C11orf54: variants seen among roughly 807,000 people sequenced by gnomAD.
C11orf54 encodes the protein beta-keto L-gulonate decarboxylase.
In C11orf54, 29 loss-of-function variants were observed where a neutral mutation model predicts 35.5. The ratio of observed to expected loss-of-function variants is 0.82; its 90% CI spans 0.61 to 1.11. C11orf54 has a LOEUF of 1.11. Among genes scored for constraint, C11orf54 ranks in the 50% most tolerant of loss-of-function variants. The pLI, the probability that C11orf54 is intolerant of heterozygous loss-of-function variation, is 0.00. For missense variants in C11orf54, 373 were observed against 369.2 expected (o/e 1.01, Z -0.08); for synonymous variants, 108 against 121.1 (o/e 0.89, Z 0.71).
intron 1 of C11orf54, among the ~76,000 whole-genome samples, chr11:93,745,340 G>A (rs1320483620): frequency 1.3e-5 from 2 of 152,098 alleles, no homozygotes; most frequent in Non-Finnish European, 2.9e-5. Flanking sequence ...CGCTTTCTTG[G>A]GCAGAGGTCC....
chr11:93,761,334 G>A (rs115493294), intron 8 of C11orf54, among the ~76,000 whole-genome samples, 181 bp from the exon 9 acceptor site: 115 of 152,284 alleles, frequency 7.6e-4, no homozygotes, highest in African/African-American at 2.7e-3. Flanking sequence ...TGAGTGGTGA[G>A]GGCAAGAGAG....
rs1174457054 is a variant in C11orf54, at chr11:93,761,646, C to T, written c.906C>T (p.Arg302=). The T allele has an allele frequency of 3.1e-6, 5 of 1,611,424 alleles. No individual in the cohort carries two copies. Among genetic ancestry groups the T allele is most frequent in the Admixed American group, 3.4e-5 (2 of 59,496 alleles). ...TCTTACCTGCAGAGTTTCTCTATCG[C>T]ATTGATCAACCAAAAGAGACGCATT... ...GYFLPAEFLY[R]IDQPKETHSI... Residue 302 remains arginine (R), a synonymous_variant, in exon 9 of 9, where the codon CGC becomes CGT. Transcript: ENST00000354421.
rs1052404252 is a variant in C11orf54 at position 93,764,582 on chromosome 11, G to A, written c.*2894G>A. On this transcript the variant is annotated 3_prime_UTR_variant, in exon 9 of 9. Coordinates refer to ENST00000354421, the MANE Select transcript of C11orf54 (RefSeq NM_001286069.2). ...ACCATCTAATAGAGATGGGGGAAAA[G>A]ATCAAAATGCTTTTCTTTTTAAATT... 30 of 152,160 alleles carry A rather than the reference G, an allele frequency of 2.0e-4. No individual in the cohort carries two copies. The highest frequency in any genetic ancestry group is 7.2e-4 in the African/African-American group (30 of 41,438). 9.4% of individuals were successfully genotyped at this position (152,160 alleles called of 1,614,324 possible).
intron 1 of C11orf54, among the ~76,000 whole-genome samples, chr11:93,745,651 C>T (rs1942421736): frequency 1.3e-5 from 2 of 152,174 alleles, no homozygotes; most frequent in Admixed American, 6.5e-5. Flanking sequence ...CTTTTCCCCA[C>T]ACAAAACTAT....
In C11orf54 at chr11:93,763,182, C is replaced by T. The variant is rs1943548674; in HGVS notation, c.*1494C>T. On this transcript the variant is annotated 3_prime_UTR_variant, in exon 9 of 9. Coordinates refer to ENST00000354421, the MANE Select transcript of C11orf54 (RefSeq NM_001286069.2). ...CCTACCCTTCTCTCTGGAGTGTACA[C>T]TTCATGTGGGCAAGGGCCTTGTTCA... 1 of 152,182 alleles carries T rather than the reference C, an allele frequency of 6.6e-6. No homozygotes were observed. Among genetic ancestry groups the T allele is most frequent in the African/African-American group, 2.4e-5 (1 of 41,434 alleles). The allele number at this position is 152,182 out of a possible 1,614,324, so 9.4% of individuals were successfully genotyped here. A position where few individuals can be genotyped will look rare whatever the true frequency, so the allele number is the denominator to read the frequency against.
At position 93,755,316 on chromosome 11, in the gene C11orf54, G is replaced by C. The variant is rs200861861; in HGVS notation, c.437G>C (p.Ser146Thr). Residue 146 changes from serine to threonine, a missense_variant, in exon 6 of 9, where the codon AGT becomes ACT. Ser to Thr is a moderately conservative substitution (Grantham distance 58). Transcript: ENST00000354421. ...GGAGGGTGCCTACTGGAGAAATACAGTGAGAAATGTCATGATTTTCAGTGT... is the reference window on the plus strand; with the variant it reads ...GGAGGGTGCCTACTGGAGAAATACACTGAGAAATGTCATGATTTTCAGTGT... Reference protein sequence around the residue: ...ADGGCLLEKYSEKCHDFQCAL... With the variant: ...ADGGCLLEKYTEKCHDFQCAL... The C allele has an allele frequency of 6.2e-6, 10 of 1,614,036 alleles. No individual in the cohort carries two copies. The highest frequency in any genetic ancestry group is 7.6e-6 in the Non-Finnish European group (9 of 1,180,028).
At position 93,755,356 on chromosome 11, in the gene C11orf54, T is replaced by C. The variant is rs528040589; in HGVS notation, c.477T>C (p.Asn159=). The C allele has an allele frequency of 3.6e-5, 58 of 1,614,158 alleles. No individual in the cohort carries two copies. The highest frequency in any genetic ancestry group is 2.2e-4 in the Admixed American group (13 of 60,016). Residue 159 remains asparagine, a synonymous_variant, in exon 6 of 9, where the codon AAT becomes AAC. Transcript: ENST00000354421. ...ATTTTCAGTGTGCATTACTGGCTAA[T>C]CTTTTTGCCAGTGAAGGCCAACCTG... The part of the protein sequence containing the change: ...CHDFQCALLA[N]LFASEGQPGK...
At chr11:93,745,873 T>C (rs1038596604) in intron 1 of C11orf54, 1 of 152,322 alleles carries the variant, frequency 6.6e-6, no homozygotes, top group Admixed American at 6.5e-5. Flanking sequence ...TCCCAGCTAC[T>C]GGGGAGGATG....
In C11orf54 at chr11:93,762,566, G is replaced by A. The variant is rs1206446753; in HGVS notation, c.*878G>A. On this transcript the variant is annotated 3_prime_UTR_variant, in exon 9 of 9. Coordinates refer to ENST00000354421, the MANE Select transcript of C11orf54 (RefSeq NM_001286069.2). ...GTGGGAGGATTGCCTGAGCCTAGGA[G>A]TTTAAACCAGCCTGGGCACCATGGT... 1 of 152,138 alleles carries A rather than the reference G, an allele frequency of 6.6e-6. No individual in the cohort carries two copies. The highest frequency in any genetic ancestry group is 1.5e-5 in the Non-Finnish European group (1 of 68,036). The allele number at this position is 152,138 out of a possible 1,614,324, so 9.4% of individuals were successfully genotyped here.
At chr11:93,744,141 A>G (rs1398494163) in intron 1 of C11orf54, among the ~76,000 whole-genome samples, 3 of 152,162 alleles carry the variant, frequency 2.0e-5, no homozygotes, top group Non-Finnish European at 4.4e-5. Context: ...TTTTTGTCTA[A>G]ATGTCAAATA....
At chr11:93,744,011 T>C (rs886756944) in intron 1 of C11orf54, among the ~76,000 whole-genome samples, 1 of 152,196 alleles carries the variant, frequency 6.6e-6, no homozygotes, top group Non-Finnish European at 1.5e-5. Context: ...ATACACATGC[T>C]ACCACACTGC....
At chr11:93,741,886 C>T (rs928664649) in intron 1 of C11orf54, 158 bp downstream of exon 1, 3 of 214,574 alleles carry the variant, frequency 1.4e-5, no homozygotes, top group Non-Finnish European at 2.9e-5. Context: ...TAAATCTGGT[C>T]CCGGGTGTGT....
intron 2 of C11orf54, among the ~76,000 whole-genome samples, chr11:93,748,593 TAGG>T (rs1942612751): frequency 6.6e-6 from 1 of 152,194 alleles, no homozygotes; most frequent in African/African-American, 2.4e-5. Flanking sequence ...CTCAATACTT[TAGG>T]AGGCCAAGGT....
In C11orf54 at chr11:93,744,967, T is replaced by TG. The variant is rs1591329178; in HGVS notation, c.-97-2329dup. Among the ~76,000 whole-genome samples the TG allele has an allele frequency of 3.3e-5, 5 of 151,974 alleles. No individual in the cohort carries two copies. In the East Asian group the frequency reaches 9.9e-4, roughly 30 times the overall value. On this transcript the variant is annotated intron_variant, in intron 1 of 8. Transcript: ENST00000354421. Reference sequence around the variant, plus strand: ...AGGAAAACATGTGAGTAAAGAAATCTGCGTCATAAATAAGTTCAAGGGAAG... The same window carrying TG: ...AGGAAAACATGTGAGTAAAGAAATCTGGCGTCATAAATAAGTTCAAGGGAAG...
At chr11:93,754,762 T>G (rs1943039781) in intron 5 of C11orf54, 1 of 128,034 alleles carries the variant, frequency 7.8e-6, no homozygotes, top group Admixed American at 9.5e-5. Context: ...TGAGATGGAG[T>G]CTCGCTCTGT....
chr11:93,760,335 C>T (rs1263568727), intron 8 of C11orf54, among the ~76,000 whole-genome samples: 1 of 152,152 alleles, frequency 6.6e-6, no homozygotes. Context: ...TTAGGCAGAG[C>T]AGATTTTACC....
intron 6 of C11orf54, among the ~76,000 whole-genome samples, chr11:93,755,936 G>C (rs893150741): frequency 3.3e-5 from 5 of 151,896 alleles, no homozygotes; most frequent in Non-Finnish European, 7.4e-5. Context: ...GGAGGCCAAG[G>C]TGGGTAGATC....
chr11:93,753,804 T>C, intron 4 of C11orf54, 49 bp downstream of exon 4: 3 of 1,589,022 alleles, frequency 1.9e-6, no homozygotes, highest in Non-Finnish European at 1.7e-6. Context: ...AGAAGTTGGG[T>C]TGATTACTGT....
In C11orf54 at chr11:93,747,379, T is replaced by C. The variant is rs189739430; in HGVS notation, c.-15T>C. The C allele has an allele frequency of 2.6e-3, 4,099 of 1,583,330 alleles. 170 individuals carry two copies. In the Admixed American group the frequency reaches 0.072, roughly 28 times the overall value. ...AGCTCTATTTGTCCAACCTCACACC[T>C]AAAGAAGAAAGAAAATGGCTTGTGC... is the stretch of plus-strand genomic sequence containing the variant. On this transcript the variant is annotated 5_prime_UTR_variant, in exon 2 of 9. Transcript: ENST00000354421.
Sources: gnomAD v4.1 joint callset for allele counts (sites outside exome capture counted in the v4.1 genomes callset) on GRCh38, gnomAD v4.1.1 for gene constraint, MANE v1.5 for transcripts, NCBI Gene and HGNC (gene_info 2026-07-23, HGNC 2026-07-21) for gene names.